Variants in NBAS observed in about 807,000 individuals in gnomAD.
NBAS encodes the protein NAG/BC035112 fusion.
In NBAS, 219 loss-of-function variants were observed where a neutral mutation model predicts 302.5. The ratio of observed to expected loss-of-function variants is 0.72; its 90% confidence interval spans 0.65 to 0.81. The LOEUF (loss-of-function observed/expected upper bound fraction) is 0.81, where lower values mean the gene tolerates loss of function less well. Among genes scored for constraint, NBAS ranks in the 30% least tolerant of loss-of-function variants. The probability of loss-of-function intolerance (pLI) is 0.00; values close to 1 mark genes in which losing one functional copy is unlikely to be tolerated. For missense variants in NBAS, 2,932 were observed against 2,841.6 expected, an observed-to-expected ratio of 1.03 and a Z score of -0.72; for synonymous variants, 1,118 against 1,021.6, an observed-to-expected ratio of 1.09 and a Z score of -1.80.
At chr2:15,443,997 T>C (rs1314102612) in intron 21 of NBAS, among the ~76,000 whole-genome samples, 1 of 151,378 alleles carries the variant, frequency 6.6e-6, no homozygotes, top group African/African-American at 2.4e-5. Flanking sequence ...CTCAATGAAA[T>C]AAAAGAGGAT....
chr2:15,258,354 AG>A (rs1394745204), intron 44 of NBAS, among the ~76,000 whole-genome samples: 1 of 152,188 alleles, frequency 6.6e-6, no homozygotes, highest in Non-Finnish European at 1.5e-5. Flanking sequence ...GAACAAGGTA[AG>A]GGAAGGGAAC....
chr2:15,281,797 T>A (rs961893621), intron 42 of NBAS, among the ~76,000 whole-genome samples: 1 of 152,222 alleles, frequency 6.6e-6, no homozygotes, highest in Non-Finnish European at 1.5e-5. Context: ...TTCCTGTTTA[T>A]GTTTTGTGCC....
intron 44 of NBAS, among the ~76,000 whole-genome samples, chr2:15,274,809 G>A (rs1454708731): frequency 6.6e-6 from 1 of 152,008 alleles, no homozygotes; most frequent in Non-Finnish European, 1.5e-5. Context: ...CTGTCACCCA[G>A]GCTGGAGTGC....
In NBAS at chr2:15,478,190, A is replaced by C. The variant is rs113776877; in HGVS notation, c.1147+36T>G. ...GAATCTTGTATAATAATAGGAGTAT[A>C]TTAAGGTTTCAATTATCACATTTCG... On this transcript the variant is annotated intron_variant, in intron 13 of 51. Coordinates refer to ENST00000281513, the MANE Select transcript of NBAS (RefSeq NM_015909.4). 2,345 of 1,362,178 alleles carry C rather than the reference A, an allele frequency of 1.7e-3. 23 individuals are homozygous for C. The African/African-American group carries it at 0.02, about 11-fold the overall frequency. 84.4% of individuals were successfully genotyped at this position (1,362,178 alleles called of 1,614,324 possible). A position where few individuals can be genotyped will look rare whatever the true frequency, so the allele number is the denominator to read the frequency against.
At chr2:15,451,990 A>G (rs939995352) in intron 21 of NBAS, among the ~76,000 whole-genome samples, 5 of 151,640 alleles carry the variant, frequency 3.3e-5, no homozygotes, top group Non-Finnish European at 7.4e-5. Flanking sequence ...CCTTGAGAAC[A>G]TTACGCTAAA....
chr2:15,158,856 T>A, the NBAS span, among the ~76,000 whole-genome samples: 1 of 152,042 alleles, frequency 6.6e-6, no homozygotes, highest in Admixed American at 6.6e-5. Flanking sequence ...TCAGAGAGAA[T>A]CTTGGGTAGA....
chr2:14,890,298 G>A, the NBAS span, among the ~76,000 whole-genome samples: 2 of 152,090 alleles, frequency 1.3e-5, no homozygotes, highest in Admixed American at 6.5e-5. Context: ...GAAGTGGAAT[G>A]TATTATGATG....
chr2:15,501,390 T>C (rs1367170695), intron 11 of NBAS, among the ~76,000 whole-genome samples: 1 of 152,166 alleles, frequency 6.6e-6, no homozygotes, highest in African/African-American at 2.4e-5. Flanking sequence ...TGTGGACTAC[T>C]AATTATTAAT....
chr2:15,239,369 A>ATG (rs890480565), intron 44 of NBAS, among the ~76,000 whole-genome samples: 3 of 139,584 alleles, frequency 2.1e-5, no homozygotes, highest in East Asian at 2.1e-4. Context: ...TTTCTATTTT[A>ATG]TGTGTGTGTG....
intron 8 of NBAS, 57 bp from the exon 9 acceptor site, chr2:15,534,698 T>C: frequency 8.4e-7 from 1 of 1,190,370 alleles, no homozygotes; most frequent in Non-Finnish European, 1.3e-6. Context: ...TGAATATCAC[T>C]AAATACCCAA....
chr2:15,341,871 A>G (rs1672869685), intron 35 of NBAS, among the ~76,000 whole-genome samples: 1 of 152,196 alleles, frequency 6.6e-6, no homozygotes. Flanking sequence ...TATGCTCACT[A>G]AAATGCAGAA....
At chr2:15,323,127 C>T (rs938670883) in intron 38 of NBAS, among the ~76,000 whole-genome samples, 1 of 152,160 alleles carries the variant, frequency 6.6e-6, no homozygotes, top group East Asian at 1.9e-4. Flanking sequence ...CCAGGGCAGA[C>T]AAAAAGTCAC....
chr2:14,916,140 A>G, the NBAS span, among the ~76,000 whole-genome samples: 2 of 152,150 alleles, frequency 1.3e-5, no homozygotes, highest in African/African-American at 4.8e-5. Context: ...AGGTTGTCAT[A>G]CAGATTATAT....
the NBAS span, among the ~76,000 whole-genome samples, chr2:15,158,218 C>T: frequency 3.3e-5 from 5 of 152,316 alleles, no homozygotes; most frequent in African/African-American, 1.2e-4. Flanking sequence ...CATAGCTCCA[C>T]GGTGAACAGA....
intron 25 of NBAS, among the ~76,000 whole-genome samples, chr2:15,403,695 A>T (rs1014848472): frequency 3.3e-5 from 5 of 152,272 alleles, no homozygotes; most frequent in African/African-American, 1.2e-4. Context: ...TCCCCCCCAG[A>T]TACTGAGGGA....
intron 30 of NBAS, among the ~76,000 whole-genome samples, chr2:15,375,950 T>C (rs910792236): frequency 2.0e-5 from 3 of 151,776 alleles, no homozygotes; most frequent in Non-Finnish European, 4.4e-5. Context: ...GTATGCATAA[T>C]AGTAAGAATT....
At chr2:15,195,185 TTGCCACTG>T (rs1368116862) in intron 48 of NBAS, among the ~76,000 whole-genome samples, 1 of 152,200 alleles carries the variant, frequency 6.6e-6, no homozygotes, top group Non-Finnish European at 1.5e-5. Flanking sequence ...TGAAATTTAA[TTGCCACTG>T]TGATAGGATT....
intron 16 of NBAS, among the ~76,000 whole-genome samples, chr2:15,471,301 A>G (rs1679946871): frequency 6.6e-6 from 1 of 152,192 alleles, no homozygotes; most frequent in South Asian, 2.1e-4. Flanking sequence ...CTTCCGTTTC[A>G]TTACCTCTCA....
chr2:15,096,942 G>T, the NBAS span, among the ~76,000 whole-genome samples: 13 of 152,342 alleles, frequency 8.5e-5, no homozygotes, highest in Non-Finnish European at 1.5e-4. Context: ...ACTGAAGCAA[G>T]AATGTGGATG....
Sources: allele counts gnomAD v4.1 joint callset (sites outside exome capture counted in the v4.1 genomes callset), GRCh38; gene constraint gnomAD v4.1.1; transcripts MANE v1.5; gene names NCBI Gene and HGNC (gene_info 2026-07-23, HGNC 2026-07-21).